The following ZNF282 variants were observed in gnomAD, a reference collection of about 807,000 sequenced individuals.
The protein encoded by ZNF282 is HTLV-I U5 repressive element-binding protein 1.
ZNF282 carries 30 observed loss-of-function variants against 61.9 expected under a neutral mutation model. The ratio of observed to expected loss-of-function variants is 0.48; its 90% CI spans 0.36 to 0.66. The LOEUF is 0.66. Ranked by LOEUF, ZNF282 falls within the 30% of genes least tolerant of loss-of-function variation. ZNF282 has a pLI of 0.00. For synonymous variants in ZNF282, 396 were observed against 405.0 expected (o/e 0.98, Z 0.27); for missense variants, 788 against 941.4 (o/e 0.84, Z 2.13).
intron 7 of ZNF282, among the ~76,000 whole-genome samples, chr7:149,215,114 C>G (rs1796142254): frequency 6.6e-6 from 1 of 151,888 alleles, no homozygotes; most frequent in South Asian, 2.1e-4. Context: ...TTGCCCTCAA[C>G]ATGGCTGACC....
Position 149,198,358 on chromosome 7 carries a change from G to A in ZNF282, c.191G>A (p.Arg64Gln), listed in dbSNP as rs754883520. The A allele has an allele frequency of 3.1e-6, 5 of 1,611,990 alleles. No homozygotes were observed. The highest frequency in any genetic ancestry group is 2.2e-5 in the East Asian group (1 of 44,860). ...GCTCAAGAATGGGACATGGACGCCC[G>A]GCGGCCAATGCCTTTTCAGTTCCCA... The part of the protein sequence containing the change: ...MQAQEWDMDA[R>Q]RPMPFQFPPF... Residue 64 changes from arginine to glutamine, a missense_variant, in exon 2 of 8, where the codon CGG becomes CAG. By Grantham distance (43) the Arg-to-Gln change is conservative. Around this residue, in one of 3 missense-constraint regions of ZNF282, gnomAD observed 137 missense variants for 135.4 expected, o/e 1.01. Transcript: ENST00000610704. The surrounding 1 kb of genome is among the most constrained non-coding windows in gnomAD (Gnocchi z 4.3).
At position 149,198,418 on chromosome 7, in the gene ZNF282, G is replaced by T; in HGVS notation, c.251G>T (p.Arg84Leu). 1 of 1,614,190 alleles carries T rather than the reference G, an allele frequency of 6.2e-7. No individual in the cohort carries two copies. Among genetic ancestry groups the T allele is most frequent in the Non-Finnish European group, 8.5e-7 (1 of 1,180,036 alleles). Residue 84 changes from arginine (R) to leucine (L), a missense_variant, in exon 2 of 8, where the codon CGC becomes CTC. Transcript: ENST00000610704. The surrounding 1 kb of genome is among the most constrained non-coding windows in gnomAD (Gnocchi z 4.3). ...GATAGGGCACCTGTCTTCCCCGACC[G>T]CATGATGCGAGAGCCCCAGTTGCCC... The part of the protein sequence containing the change: ...FPDRAPVFPD[R>L]MMREPQLPTA...
intron 4 of ZNF282, among the ~76,000 whole-genome samples, chr7:149,209,690 T>C (rs1283895562): frequency 6.6e-6 from 1 of 151,944 alleles, no homozygotes; most frequent in Non-Finnish European, 1.5e-5. Context: ...TGGTGCGGAG[T>C]TGAAGGCAGG....
intron 2 of ZNF282, among the ~76,000 whole-genome samples, chr7:149,202,136 T>G (rs1370938019): frequency 1.3e-5 from 2 of 151,750 alleles, no homozygotes; most frequent in African/African-American, 4.9e-5. Context: ...ATCTTAAATA[T>G]TTAAGATATG....
intron 7 of ZNF282, among the ~76,000 whole-genome samples, chr7:149,221,650 C>G (rs909488636): frequency 2.6e-5 from 4 of 152,072 alleles, no homozygotes; most frequent in Non-Finnish European, 4.4e-5. Context: ...ATGACCCTTC[C>G]CAGGCATCCT....
intron 2 of ZNF282, chr7:149,206,489 G>A (rs911721306): frequency 3.0e-6 from 2 of 668,004 alleles, no homozygotes; most frequent in South Asian, 4.3e-5. Context: ...TTCTAAAAAG[G>A]CAGGGTTGAC....
At chr7:149,207,201 C>CAAGGTTCTTAATAAG in intron 3 of ZNF282, 150 bp from the exon 4 acceptor site, 2 of 1,000,678 alleles carry the variant, frequency 2.0e-6, no homozygotes, top group Non-Finnish European at 2.9e-6. Context: ...GACTCGTTTT[C>CAAGGTTCTTAATAAG]AGATTACCCG....
At chr7:149,199,884 G>T (rs894924947) in intron 2 of ZNF282, among the ~76,000 whole-genome samples, 7 of 152,090 alleles carry the variant, frequency 4.6e-5, no homozygotes, top group African/African-American at 1.4e-4. Flanking sequence ...AAAAGGTAAA[G>T]ACTCTTTTTT....
intron 5 of ZNF282, among the ~76,000 whole-genome samples, chr7:149,211,887 T>C (rs1796090439): frequency 6.6e-6 from 1 of 152,226 alleles, no homozygotes; most frequent in Admixed American, 6.5e-5. Flanking sequence ...AAAGAGAGTA[T>C]AGGGTCTTTT....
chr7:149,212,153 C>T (rs983489176), intron 5 of ZNF282, among the ~76,000 whole-genome samples: 1 of 152,152 alleles, frequency 6.6e-6, no homozygotes. Flanking sequence ...ATGTTACTCC[C>T]CTGCAGCATC....
At chr7:149,219,265 A>G (rs1260301635) in intron 7 of ZNF282, among the ~76,000 whole-genome samples, 1 of 152,152 alleles carries the variant, frequency 6.6e-6, no homozygotes, top group Non-Finnish European at 1.5e-5. Context: ...AAATCCAGAG[A>G]TTTAGAGGCT....
chr7:149,199,926 C>T (rs921490269), intron 2 of ZNF282, among the ~76,000 whole-genome samples: 6 of 152,016 alleles, frequency 3.9e-5, no homozygotes, highest in Admixed American at 6.5e-5. Flanking sequence ...TTATTACCAC[C>T]ACCACCATAG....
intron 2 of ZNF282, among the ~76,000 whole-genome samples, chr7:149,201,452 C>T (rs1029542458): frequency 6.6e-6 from 1 of 152,238 alleles, no homozygotes; most frequent in Admixed American, 6.5e-5. Context: ...CATCACACCT[C>T]TGCTTAAACC....
intron 7 of ZNF282, among the ~76,000 whole-genome samples, chr7:149,223,330 C>A (rs866121155): frequency 5.3e-5 from 8 of 151,426 alleles, no homozygotes; most frequent in African/African-American, 1.5e-4. Context: ...TGCTTATGGT[C>A]CCAGCTACTT....
rs1179466878 is a variant in ZNF282 at position 149,198,174 on chromosome 7, G to A, written c.166-159G>A. ...TTGAGTTGGGTGGGTGGGTGAGTGG[G>A]TAGCTGTTGCTGGGGGTGTTAGTGT... On this transcript the variant is annotated intron_variant, in intron 1 of 7. Coordinates refer to ENST00000610704, the MANE Select transcript of ZNF282 (RefSeq NM_003575.4). The surrounding 1 kb of genome is among the most constrained non-coding windows in gnomAD (Gnocchi z 4.3). Among the ~76,000 whole-genome samples, 1 of 152,114 alleles carries A rather than the reference G, an allele frequency of 6.6e-6. No homozygotes were observed. The highest frequency in any genetic ancestry group is 1.5e-5 in the Non-Finnish European group (1 of 68,020).
intron 4 of ZNF282, among the ~76,000 whole-genome samples, chr7:149,209,855 A>G (rs760516981): frequency 1.3e-5 from 2 of 152,164 alleles, no homozygotes; most frequent in Non-Finnish European, 2.9e-5. Context: ...GTGAGTCCTC[A>G]CTTAATGTCA....
intron 7 of ZNF282, among the ~76,000 whole-genome samples, chr7:149,215,034 A>G (rs909518223): frequency 6.6e-6 from 1 of 152,048 alleles, no homozygotes; most frequent in Non-Finnish European, 1.5e-5. Flanking sequence ...GACCCTAGGC[A>G]TATGTTTATG....
intron 2 of ZNF282, among the ~76,000 whole-genome samples, chr7:149,199,991 C>A (rs1795883908): frequency 6.6e-6 from 1 of 152,094 alleles, no homozygotes; most frequent in Non-Finnish European, 1.5e-5. Context: ...TCAGTTGTTT[C>A]AATTTTTAAA....
chr7:149,216,244 A>G (rs1796159808), intron 7 of ZNF282, among the ~76,000 whole-genome samples: 1 of 152,164 alleles, frequency 6.6e-6, no homozygotes, highest in African/African-American at 2.4e-5. Flanking sequence ...GACTACAGGC[A>G]TGCACCACTG....
Sources: gnomAD v4.1 joint callset for allele counts (sites outside exome capture counted in the v4.1 genomes callset) on GRCh38, gnomAD v4.1.1 for gene constraint, gnomAD v4.1.1 regional missense constraint, Gnocchi (gnomAD v3.1) non-coding constraint, MANE v1.5 for transcripts, NCBI Gene and HGNC (gene_info 2026-07-23, HGNC 2026-07-21) for gene names.